Variants in ZNF827 observed in about 807,000 individuals in gnomAD.
The protein encoded by ZNF827 is zinc finger protein 827.
Under a neutral mutation model 102.4 loss-of-function variants are expected in ZNF827, and 13 were observed. That is an observed-to-expected ratio of 0.13 (90% CI 0.08 to 0.20). The LOEUF is 0.20. ZNF827 is among the 10% of genes least tolerant of loss of function. ZNF827 has a pLI of 1.00. For missense variants in ZNF827, 1,103 were observed against 1,344.4 expected (o/e 0.82, Z 2.81); for synonymous variants, 523 against 536.2 (o/e 0.98, Z 0.34).
Position 145,902,693 on chromosome 4 carries a change from A to C in ZNF827, c.566T>G (p.Phe189Cys). Residue 189 changes from phenylalanine to cysteine, a missense_variant, in exon 2 of 15, where the codon TTT becomes TGT. Coordinates refer to ENST00000508784, the MANE Select transcript of ZNF827 (RefSeq NM_001306215.2). This position sits in a 1 kb window ranked among gnomAD's most constrained non-coding sequence, Gnocchi z 4.3. ...QNDQYTPSNR[F>C]IWNQGKWLPN... The stretch of plus-strand genomic sequence containing the variant: ...CAACCACTTACCTTGATTCCATATA[A>C]AACGGTTACTTGGAGTGTATTGGTC... 5 of 1,613,940 alleles carry C rather than the reference A, an allele frequency of 3.1e-6. No homozygotes were observed. The highest frequency in any genetic ancestry group is 4.2e-6 in the Non-Finnish European group (5 of 1,180,016).
intron 2 of ZNF827, among the ~76,000 whole-genome samples, chr4:145,893,499 T>C (rs1313821999): frequency 6.6e-6 from 1 of 152,228 alleles, no homozygotes; most frequent in African/African-American, 2.4e-5. Context: ...GTCCAAGATA[T>C]TAGCATTGGT....
intron 7 of ZNF827, among the ~76,000 whole-genome samples, chr4:145,823,807 T>G (rs905798459): frequency 1.1e-4 from 17 of 152,340 alleles, no homozygotes; most frequent in African/African-American, 3.8e-4. Context: ...AGGACAGCTG[T>G]GCAGTACATT....
chr4:145,817,317 C>T (rs62345789), intron 8 of ZNF827, among the ~76,000 whole-genome samples: 5,167 of 152,182 alleles, frequency 0.034, 130 homozygotes, highest in Middle Eastern at 0.051. Context: ...ATAGTTTTGG[C>T]CCTAGAAAGA....
At chr4:145,878,394 G>A (rs909207196) in intron 4 of ZNF827, among the ~76,000 whole-genome samples, 1 of 152,086 alleles carries the variant, frequency 6.6e-6, no homozygotes, top group African/African-American at 2.4e-5. Context: ...TAAGAGAAGT[G>A]GAGAGATAGT....
chr4:145,865,600 C>T (rs1579418071), intron 5 of ZNF827, among the ~76,000 whole-genome samples: 1 of 152,210 alleles, frequency 6.6e-6, no homozygotes, highest in Admixed American at 6.5e-5. Context: ...AGGGACCACA[C>T]TTTGAGAAGC....
At chr4:145,825,337 G>A (rs1415901054) in intron 7 of ZNF827, among the ~76,000 whole-genome samples, 2 of 152,250 alleles carry the variant, frequency 1.3e-5, no homozygotes, top group African/African-American at 4.8e-5. Flanking sequence ...AGTGATCATG[G>A]CTTTGTCCCA....
chr4:145,767,022 AC>A (rs974494627), intron 11 of ZNF827, among the ~76,000 whole-genome samples: 32 of 152,208 alleles, frequency 2.1e-4, no homozygotes, highest in African/African-American at 7.2e-4. Flanking sequence ...CATGGTAAAA[AC>A]CACAATGTCT....
chr4:145,798,154 G>T (rs1740548805), intron 8 of ZNF827, among the ~76,000 whole-genome samples: 2 of 152,168 alleles, frequency 1.3e-5, no homozygotes, highest in African/African-American at 4.8e-5. Context: ...ATGACAGTGG[G>T]TTATAACCTA....
intron 1 of ZNF827, among the ~76,000 whole-genome samples, chr4:145,925,220 A>T (rs1753343962): frequency 6.6e-6 from 1 of 152,228 alleles, no homozygotes; most frequent in Admixed American, 6.5e-5. Flanking sequence ...ACATGTGGGA[A>T]TTATGCAAGC....
At chr4:145,798,561 G>A (rs1292825842) in intron 8 of ZNF827, among the ~76,000 whole-genome samples, 1 of 152,110 alleles carries the variant, frequency 6.6e-6, no homozygotes, top group Non-Finnish European at 1.5e-5. Flanking sequence ...GGCTACTTGG[G>A]AGGCTGAGAC....
chr4:145,766,892 T>C (rs1034336571), intron 11 of ZNF827, among the ~76,000 whole-genome samples: 15 of 152,284 alleles, frequency 9.9e-5, no homozygotes, highest in South Asian at 4.1e-4. Context: ...CCTAGTGATC[T>C]AGACCCGCCA....
chr4:145,825,549 C>T (rs755381460), intron 7 of ZNF827, among the ~76,000 whole-genome samples: 20 of 152,076 alleles, frequency 1.3e-4, no homozygotes, highest in African/African-American at 4.1e-4. Context: ...ACTTGCAGGT[C>T]GAAGAAGAGT....
chr4:145,931,073 A>T (rs1354545218), intron 1 of ZNF827, among the ~76,000 whole-genome samples: 3 of 152,196 alleles, frequency 2.0e-5, no homozygotes, highest in Non-Finnish European at 4.4e-5. Context: ...ATTCTCCAAT[A>T]TCATAAAAAA....
Position 145,803,848 on chromosome 4 carries a change from T to C in ZNF827, c.2383+19574A>G, listed in dbSNP as rs138142889. 2.4e-4 allele frequency among the ~76,000 whole-genome samples: 36 copies of C among 152,302 alleles called. No homozygotes were observed. The East Asian group carries it at 6.9e-3, about 29-fold the overall frequency. On this transcript the variant is annotated intron_variant, in intron 8 of 14. Coordinates refer to ENST00000508784, the MANE Select transcript of ZNF827 (RefSeq NM_001306215.2). The stretch of plus-strand genomic sequence containing the variant: ...TTCAGAGTGTGCTAACCACACCAGA[T>C]CCTCCTGGTTGGGTTATTTATGCAT...
At chr4:145,890,975 G>A (rs1322910316) in intron 3 of ZNF827, among the ~76,000 whole-genome samples, 1 of 152,156 alleles carries the variant, frequency 6.6e-6, no homozygotes, top group African/African-American at 2.4e-5. Context: ...CACTTTTTTA[G>A]AGCTACAATT....
intron 9 of ZNF827, among the ~76,000 whole-genome samples, chr4:145,777,706 A>G (rs1737331750): frequency 6.6e-6 from 1 of 152,052 alleles, no homozygotes; most frequent in Non-Finnish European, 1.5e-5. Context: ...TTTTATGGCC[A>G]TTTCTTTCTA....
intron 2 of ZNF827, among the ~76,000 whole-genome samples, chr4:145,895,770 C>G (rs112947983): frequency 5.3e-5 from 8 of 152,188 alleles, no homozygotes; most frequent in African/African-American, 1.4e-4. Context: ...AGGTTGTATT[C>G]TATTTCGTAT....
chr4:145,763,232 GTTTCAT>G lies in ZNF827; in HGVS notation c.3231-116_3231-111del. ...AAAGCAATTTAGACATCAGCAGTCT[GTTTCAT>G]TTTAAGGACATTTCTGTGACCCACA... is the stretch of plus-strand genomic sequence containing the variant. On this transcript the variant is annotated intron_variant, in intron 13 of 14. Transcript: ENST00000508784. The surrounding 1 kb of genome is among the most constrained non-coding windows in gnomAD (Gnocchi z 4.6). 9.0e-7 allele frequency: 1 copy of G among 1,110,734 alleles called. No homozygotes were observed. Among genetic ancestry groups the G allele is most frequent in the Admixed American group, 2.3e-5 (1 of 42,828 alleles). 68.8% of individuals were successfully genotyped at this position (1,110,734 alleles called of 1,614,324 possible).
chr4:145,861,326 C>G (rs1747709430), intron 5 of ZNF827, among the ~76,000 whole-genome samples: 1 of 152,094 alleles, frequency 6.6e-6, no homozygotes, highest in South Asian at 2.1e-4. Context: ...AGCCAAAAGG[C>G]CGCTGGGAGG....
Sources: allele counts gnomAD v4.1 joint callset (sites outside exome capture counted in the v4.1 genomes callset), GRCh38; gene constraint gnomAD v4.1.1; non-coding constraint Gnocchi (gnomAD v3.1); transcripts MANE v1.5; gene names NCBI Gene and HGNC (gene_info 2026-07-23, HGNC 2026-07-21).